SEMA3F: variants seen among roughly 807,000 people sequenced by gnomAD.
SEMA3F encodes semaphorin-3F.
SEMA3F carries 30 observed loss-of-function variants against 98.5 expected under a neutral mutation model. The observed-to-expected ratio is 0.30, with a 90% CI of 0.23 to 0.41. The LOEUF (loss-of-function observed/expected upper bound fraction) is 0.41. SEMA3F is among the 10% of genes least tolerant of loss of function. The pLI, the probability that SEMA3F is intolerant of heterozygous loss-of-function variation, is 1.00. For synonymous variants in SEMA3F, 380 were observed against 444.8 expected, an observed-to-expected ratio of 0.85 and a Z score of 1.83; for missense variants, 866 against 1,119.3, an observed-to-expected ratio of 0.77 and a Z score of 3.23.
rs1559735486 is a variant in SEMA3F at position 50,182,491 on chromosome 3, G to A, written c.763+88G>A. 5.0e-6 allele frequency: 8 copies of A among 1,593,662 alleles called. No homozygotes were observed. The highest frequency in any genetic ancestry group is 5.1e-6 in the Non-Finnish European group (6 of 1,168,578). On this transcript the variant is annotated intron_variant, in intron 8 of 18. Coordinates refer to ENST00000002829, the MANE Select transcript of SEMA3F (RefSeq NM_004186.5). The surrounding 1 kb of genome is among the most constrained non-coding windows in gnomAD (Gnocchi z 4.5). ...AAGAAGCACATGTGGGGGAAGTGGG[G>A]ACATGTTTAGCCTATGACTACCTGG...
chr3:50,183,360 T>C lies in SEMA3F; in HGVS notation c.1089-60T>C, dbSNP rs768024949. The C allele has an allele frequency of 4.4e-6, 7 of 1,606,504 alleles. No homozygotes were observed. The East Asian group carries it at 1.1e-4, about 26-fold the overall frequency. Reference sequence around the variant, plus strand: ...TGGCGAGCTGTGGGGAGGGGGCAGTTTGGGGAGGGGCCCTAGGTGGAGGGT... The same window carrying C: ...TGGCGAGCTGTGGGGAGGGGGCAGTCTGGGGAGGGGCCCTAGGTGGAGGGT... On this transcript the variant is annotated intron_variant, in intron 11 of 18. Coordinates refer to ENST00000002829, the MANE Select transcript of SEMA3F (RefSeq NM_004186.5).
rs1186689282 is a variant in SEMA3F, at chr3:50,158,996, T to G, written c.-48-579T>G. 6.6e-6 allele frequency: 1 copy of G among 152,444 alleles called. No individual in the cohort carries two copies. Among genetic ancestry groups the G allele is most frequent in the Non-Finnish European group, 1.5e-5 (1 of 68,190 alleles). The allele number at this position is 152,444 out of a possible 1,614,324, so 9.4% of individuals were successfully genotyped here. A position where few individuals can be genotyped will look rare whatever the true frequency, so the allele number is the denominator to read the frequency against. On this transcript the variant is annotated intron_variant, in intron 1 of 18. Coordinates refer to ENST00000002829, the MANE Select transcript of SEMA3F (RefSeq NM_004186.5). The surrounding 1 kb of genome is among the most constrained non-coding windows in gnomAD (Gnocchi z 4.8). ...CTTTGATTTTAGTACAAGTGGACTC[T>G]GCCATTCTCTGCCTTTCCTTTTCTG...
At chr3:50,157,969 C>G (rs1698059952) in intron 1 of SEMA3F, among the ~76,000 whole-genome samples, 3 of 152,212 alleles carry the variant, frequency 2.0e-5, no homozygotes, top group African/African-American at 7.2e-5. Context: ...CCCAGCTCCC[C>G]TGAGCCCCAC....
chr3:50,170,509 C>T (rs189215590), intron 2 of SEMA3F, among the ~76,000 whole-genome samples: 2 of 152,198 alleles, frequency 1.3e-5, no homozygotes, highest in Admixed American at 6.5e-5. Flanking sequence ...TCTCCTTTCC[C>T]TGAAAGGCAG....
At chr3:50,160,857 C>T (rs1198838737) in intron 2 of SEMA3F, among the ~76,000 whole-genome samples, 1 of 152,178 alleles carries the variant, frequency 6.6e-6, no homozygotes, top group African/African-American at 2.4e-5. Context: ...GAGTAAGCTG[C>T]TTATCATCAC....
chr3:50,182,428 C>G lies in SEMA3F; in HGVS notation c.763+25C>G. On this transcript the variant is annotated intron_variant, in intron 8 of 18. Coordinates refer to ENST00000002829, the MANE Select transcript of SEMA3F (RefSeq NM_004186.5). The surrounding 1 kb of genome is among the most constrained non-coding windows in gnomAD (Gnocchi z 4.5). ...GGTAAGCGCAGCCCCAGGAGCCCTTCCGTGGCCATGTGTCTGGGATGCGGC... is the reference window on the plus strand; with the variant it reads ...GGTAAGCGCAGCCCCAGGAGCCCTTGCGTGGCCATGTGTCTGGGATGCGGC... 1.2e-6 allele frequency: 2 copies of G among 1,612,470 alleles called. No homozygotes were observed. The highest frequency in any genetic ancestry group is 1.7e-6 in the Non-Finnish European group (2 of 1,179,934).
In SEMA3F at chr3:50,183,580, A is replaced by G. The variant is rs987968068; in HGVS notation, c.1233+16A>G. On this transcript the variant is annotated intron_variant, in intron 12 of 18. Coordinates refer to ENST00000002829, the MANE Select transcript of SEMA3F (RefSeq NM_004186.5). ...GCCGGGCACGGTAAGGACCCCACTC[A>G]TCCTGCCTCTCCCCTTTCTCTTCTT... 3.1e-6 allele frequency: 5 copies of G among 1,612,306 alleles called. No individual in the cohort carries two copies. The highest frequency in any genetic ancestry group is 2.7e-5 in the African/African-American group (2 of 74,878).
In SEMA3F at chr3:50,184,743, G is replaced by A. The variant is rs766106283; in HGVS notation, c.1385G>A (p.Arg462His). 9.3e-6 allele frequency: 15 copies of A among 1,613,950 alleles called. No homozygotes were observed. Among genetic ancestry groups the A allele is most frequent in the Admixed American group, 5.0e-5 (3 of 59,996 alleles). ...GTAGTCCGCACAGGTGCTCCCTACC[G>A]CCTTACCACTATTGCCGTGGACCAG... ...PLVVRTGAPY[R>H]LTTIAVDQVD... is the part of the protein sequence containing the mutation. The change falls in exon 13 of 19, where the codon CGC (arginine) becomes CAC (histidine). Residue 462 changes from arginine to histidine, a missense_variant. Physicochemically the swap from Arg to His is conservative, Grantham distance 29. Transcript: ENST00000002829.
intron 7 of SEMA3F, among the ~76,000 whole-genome samples, chr3:50,179,445 C>T (rs1347234339): frequency 6.6e-6 from 1 of 152,044 alleles, no homozygotes; most frequent in Non-Finnish European, 1.5e-5. Context: ...CCTGCCTCAG[C>T]CTCCCAAGTA....
rs756391322 is a variant in SEMA3F, at chr3:50,185,688, T to C, written c.1568T>C (p.Met523Thr). 6.2e-7 allele frequency: 1 copy of C among 1,614,222 alleles called. No homozygotes were observed. Among genetic ancestry groups the C allele is most frequent in the Non-Finnish European group, 8.5e-7 (1 of 1,180,024 alleles). Residue 523 changes from methionine (M) to threonine (T), a missense_variant, in exon 15 of 19, where the codon ATG becomes ACG. Met to Thr is a moderately conservative substitution (Grantham distance 81, BLOSUM62 -1). Around this residue, in one of 3 missense-constraint regions of SEMA3F, gnomAD observed 374 missense variants for 582.8 expected, o/e 0.64. Coordinates refer to ENST00000002829, the MANE Select transcript of SEMA3F (RefSeq NM_004186.5). Reference protein sequence around the residue: ...VFKDPAPVKTMTISSKRQQLY... With the variant: ...VFKDPAPVKTTTISSKRQQLY... The stretch of plus-strand genomic sequence containing the variant: ...TAGGATCCAGCACCCGTCAAGACCA[T>C]GACCATCTCTTCTAAGAGGGTAAGC...
chr3:50,180,775 C>A (rs1011063460), intron 7 of SEMA3F, among the ~76,000 whole-genome samples: 1 of 152,112 alleles, frequency 6.6e-6, no homozygotes, highest in African/African-American at 2.4e-5. Context: ...GCAAGAATCA[C>A]CAAAATGTAG....
At chr3:50,177,866 T>TA (rs1290764705) in intron 7 of SEMA3F, among the ~76,000 whole-genome samples, 1 of 151,304 alleles carries the variant, frequency 6.6e-6, no homozygotes, top group African/African-American at 2.4e-5. Flanking sequence ...TACTAAAAAA[T>TA]AAAAAATAAA....
At position 50,158,450 on chromosome 3, in the gene SEMA3F, T is replaced by C. The variant is rs1698079102; in HGVS notation, c.-48-1125T>C. On this transcript the variant is annotated intron_variant, in intron 1 of 18. Coordinates refer to ENST00000002829, the MANE Select transcript of SEMA3F (RefSeq NM_004186.5). The surrounding 1 kb of genome is among the most constrained non-coding windows in gnomAD (Gnocchi z 4.8). ...AGGGATGTCATCAGGGTCTAATGAG[T>C]GGGGCCTAAGAGTCAGACTGGAGCC... 6.6e-6 allele frequency among the ~76,000 whole-genome samples: 1 copy of C among 151,908 alleles called. No individual in the cohort carries two copies. The highest frequency in any genetic ancestry group is 2.4e-5 in the African/African-American group (1 of 41,322).
At chr3:50,186,781 T>C (rs1419701861) in intron 18 of SEMA3F, 35 bp downstream of exon 18, 1 of 1,558,294 alleles carries the variant, frequency 6.4e-7, no homozygotes, top group South Asian at 1.2e-5. Context: ...ACCGTGGATG[T>C]GAGTCCTTGC....
chr3:50,184,903 C>A, intron 13 of SEMA3F, 89 bp downstream of exon 13: 2 of 948,088 alleles, frequency 2.1e-6, no homozygotes, highest in Non-Finnish European at 3.2e-6. Context: ...CCTGCTAGGG[C>A]TTGCTGCAAG....
chr3:50,173,909 G>A lies in SEMA3F; in HGVS notation c.229G>A (p.Val77Met), dbSNP rs371508526. ...DRMYVGSKDYVLSLDLHDINR... is the reference protein window; with the variant it reads ...DRMYVGSKDYMLSLDLHDINR... ...CATGTACGTGGGCAGCAAGGACTAC[G>A]TGCTGTCCCTGGACCTGCACGACAT... Residue 77 changes from valine (V) to methionine (M), a missense_variant, in exon 3 of 19, where the codon GTG becomes ATG. Val to Met is a conservative substitution (Grantham distance 21, BLOSUM62 1). Transcript: ENST00000002829. The A allele has an allele frequency of 5.5e-5, 88 of 1,614,156 alleles. No homozygotes were observed. In the African/African-American group the frequency reaches 7.9e-4, roughly 14 times the overall value.
At chr3:50,157,312 C>T (rs1057213505) in intron 1 of SEMA3F, among the ~76,000 whole-genome samples, 2 of 152,098 alleles carry the variant, frequency 1.3e-5, no homozygotes, top group Non-Finnish European at 2.9e-5. Context: ...TTTCTTTGTT[C>T]AAGCGTCTCT....
At chr3:50,175,515 C>G (rs534983201) in intron 6 of SEMA3F, among the ~76,000 whole-genome samples, 1 of 152,358 alleles carries the variant, frequency 6.6e-6, no homozygotes, top group South Asian at 2.1e-4. Context: ...TGTGGGCCTT[C>G]CTCACTCAGC....
intron 7 of SEMA3F, among the ~76,000 whole-genome samples, chr3:50,177,858 CTAAAAAA>C (rs1336360213): frequency 9.2e-5 from 14 of 151,946 alleles, no homozygotes; most frequent in South Asian, 8.3e-4. Flanking sequence ...CCTGTCTCTA[CTAAAAAA>C]TAAAAAATAA....
Sources: gnomAD v4.1 joint callset for allele counts (sites outside exome capture counted in the v4.1 genomes callset) on GRCh38, gnomAD v4.1.1 for gene constraint, gnomAD v4.1.1 regional missense constraint, Gnocchi (gnomAD v3.1) non-coding constraint, MANE v1.5 for transcripts, NCBI Gene and HGNC (gene_info 2026-07-23, HGNC 2026-07-21) for gene names.